The following ING2 variants were observed in gnomAD, a reference collection of about 807,000 sequenced individuals.
ING2 encodes inhibitor of growth protein 2.
In ING2, 7 loss-of-function variants were observed where a neutral mutation model predicts 30.6. The ratio of observed to expected loss-of-function variants is 0.23; its 90% CI spans 0.13 to 0.43. The LOEUF (loss-of-function observed/expected upper bound fraction) is 0.43, where lower values mean the gene tolerates loss of function less well. Among genes scored for constraint, ING2 ranks in the 20% least tolerant of loss-of-function variants. ING2 has a pLI of 1.00. For missense variants in ING2, 239 were observed against 334.9 expected (o/e 0.71, Z 2.24); for synonymous variants, 136 against 121.7 (o/e 1.12, Z -0.78).
chr4:183,511,033 A>G lies in ING2; in HGVS notation c.*81A>G. On this transcript the variant is annotated 3_prime_UTR_variant, in exon 2 of 2. Transcript: ENST00000302327. ...TCAGAAAATGTTTTAGGGTAAATGC[A>G]TAAGACTATGCAATAATTTTTAATC... 1.9e-6 allele frequency: 2 copies of G among 1,072,622 alleles called. No individual in the cohort carries two copies. Among genetic ancestry groups the G allele is most frequent in the Non-Finnish European group, 2.6e-6 (2 of 755,350 alleles). The allele number at this position is 1,072,622 out of a possible 1,614,324, so 66.4% of individuals were successfully genotyped here. A position where few individuals can be genotyped will look rare whatever the true frequency, so the allele number is the denominator to read the frequency against.
intron 1 of ING2, among the ~76,000 whole-genome samples, chr4:183,507,000 G>A (rs74439818): frequency 0.14 from 21,020 of 152,102 alleles, 1,950 homozygotes; most frequent in African/African-American, 0.25. Context: ...CTACAGATAT[G>A]GAGCACAAAC....
chr4:183,508,443 T>G (rs1009654375), intron 1 of ING2, among the ~76,000 whole-genome samples: 3 of 152,188 alleles, frequency 2.0e-5, no homozygotes, highest in Non-Finnish European at 4.4e-5. Flanking sequence ...AGAAATCTGC[T>G]TAGATGCCGA....
Position 183,510,309 on chromosome 4 carries a change from A to G in ING2, c.200A>G (p.Tyr67Cys), listed in dbSNP as rs752577306. ...QETLKEIDDV[Y>C]EKYKKEDDLN... ...ACGTTAAAGGAAATTGATGATGTCT[A>G]CGAAAAATATAAGAAAGAAGATGAT... Residue 67 changes from tyrosine to cysteine, a missense_variant, in exon 2 of 2, where the codon TAC becomes TGC. Tyr to Cys is a radical substitution (Grantham distance 194). This residue lies in a region of ING2 where 80 missense variants were observed against 102.4 expected (regional missense o/e 0.78). Transcript: ENST00000302327. 3.1e-5 allele frequency: 49 copies of G among 1,589,744 alleles called. No individual in the cohort carries two copies. Among genetic ancestry groups the G allele is most frequent in the Admixed American group, 1.9e-5 (1 of 53,288 alleles).
At chr4:183,506,591 A>G (rs983724535) in intron 1 of ING2, among the ~76,000 whole-genome samples, 4 of 152,232 alleles carry the variant, frequency 2.6e-5, no homozygotes, top group African/African-American at 4.8e-5. Context: ...TGAACATAGT[A>G]TGGAAACAGC....
At chr4:183,508,660 A>G (rs939919722) in intron 1 of ING2, among the ~76,000 whole-genome samples, 6 of 152,308 alleles carry the variant, frequency 3.9e-5, no homozygotes, top group East Asian at 1.9e-4. Flanking sequence ...GACAGCCCCA[A>G]TGTATATATC....
chr4:183,506,063 T>C, intron 1 of ING2: 1 of 1,125,316 alleles, frequency 8.9e-7, no homozygotes, highest in Non-Finnish European at 1.1e-6. Flanking sequence ...GGGCGGGGCC[T>C]GCGGGCTTGA....
chr4:183,508,326 C>T (rs973100952), intron 1 of ING2, among the ~76,000 whole-genome samples: 6 of 151,652 alleles, frequency 4.0e-5, no homozygotes, highest in Non-Finnish European at 8.8e-5. Flanking sequence ...TTATTAGGTA[C>T]AAAATATTTG....
chr4:183,505,651 G>A (rs1311044617), intron 1 of ING2, among the ~76,000 whole-genome samples: 1 of 152,168 alleles, frequency 6.6e-6, no homozygotes, highest in African/African-American at 2.4e-5. Flanking sequence ...TAAGCAGCAA[G>A]CATTTGTTCA....
intron 1 of ING2, among the ~76,000 whole-genome samples, chr4:183,509,227 C>G (rs1734755425): frequency 6.6e-6 from 1 of 152,202 alleles, no homozygotes; most frequent in South Asian, 2.1e-4. Context: ...GTCATTGTCA[C>G]AAGTCATTGA....
intron 1 of ING2, among the ~76,000 whole-genome samples, 198 bp from the exon 2 acceptor site, chr4:183,510,084 A>G (rs1450504814): frequency 6.6e-6 from 1 of 152,064 alleles, no homozygotes; most frequent in Non-Finnish European, 1.5e-5. Context: ...CTTTCTTTTC[A>G]TTACTTTATT....
chr4:183,506,494 C>T (rs1301477682), intron 1 of ING2, among the ~76,000 whole-genome samples: 1 of 152,196 alleles, frequency 6.6e-6, no homozygotes, highest in African/African-American at 2.4e-5. Context: ...TACAGTGTTA[C>T]CACCTACTAT....
intron 1 of ING2, chr4:183,506,390 C>G: frequency 1.9e-6 from 2 of 1,050,616 alleles, no homozygotes; most frequent in Non-Finnish European, 2.6e-6. Flanking sequence ...AACCGCCTGG[C>G]GTCCCCGAGC....
At chr4:183,506,052 G>A in intron 1 of ING2, 1 of 1,115,110 alleles carries the variant, frequency 9.0e-7, no homozygotes, top group Non-Finnish European at 1.1e-6. Flanking sequence ...CCCCGCGCCG[G>A]GGGCGGGGCC....
chr4:183,506,233 T>C (rs1336596497), intron 1 of ING2: 3 of 1,304,192 alleles, frequency 2.3e-6, no homozygotes, highest in South Asian at 2.5e-5. Context: ...TGCAGCATGT[T>C]TTGCGGTGAT....
Position 183,512,205 on chromosome 4 carries a change from T to C in ING2, c.*1253T>C, listed in dbSNP as rs997086752. On this transcript the variant is annotated 3_prime_UTR_variant, in exon 2 of 2. Coordinates refer to ENST00000302327, the MANE Select transcript of ING2 (RefSeq NM_001564.4). The stretch of plus-strand genomic sequence containing the variant: ...TCCTAATCTGATGATCTTGATTCTT[T>C]TTGATTAACATGAAAAATCCTGTCT... Among the ~76,000 whole-genome samples the C allele has an allele frequency of 3.3e-5, 5 of 152,154 alleles. No individual in the cohort carries two copies. Among genetic ancestry groups the C allele is most frequent in the Admixed American group, 1.3e-4 (2 of 15,268 alleles).
rs1734811862 is a variant in ING2 at position 183,511,060 on chromosome 4, T to TTAGTATTAA, written c.*110_*118dup. The TTAGTATTAA allele has an allele frequency of 2.3e-6, 2 of 856,128 alleles. No individual in the cohort carries two copies. 53.0% of individuals were successfully genotyped at this position (856,128 alleles called of 1,614,324 possible). ...AAGACTATGCAATAATTTTTAATCA[T>TTAGTATTAA]TAGTATTAATGGTGTATTAAAAGTT... On this transcript the variant is annotated 3_prime_UTR_variant, in exon 2 of 2. Transcript: ENST00000302327.
intron 1 of ING2, among the ~76,000 whole-genome samples, chr4:183,509,772 C>T (rs1393361682): frequency 8.2e-6 from 1 of 121,976 alleles, no homozygotes; most frequent in Non-Finnish European, 1.6e-5. Flanking sequence ...TTTGCTCTGT[C>T]GCCCAGACCG....
At chr4:183,505,503 G>C in intron 1 of ING2, 136 bp downstream of exon 1, 1 of 913,190 alleles carries the variant, frequency 1.1e-6, no homozygotes. Context: ...GAGGACTGGA[G>C]ACCGGGTTGG....
intron 1 of ING2, among the ~76,000 whole-genome samples, chr4:183,507,672 T>G (rs916801719): frequency 9.2e-5 from 14 of 152,346 alleles, no homozygotes; most frequent in African/African-American, 2.4e-4. Flanking sequence ...TGAGCTCAAC[T>G]TTCACAGTTT....
Sources: allele counts gnomAD v4.1 joint callset (sites outside exome capture counted in the v4.1 genomes callset), GRCh38; gene constraint gnomAD v4.1.1; regional missense constraint gnomAD v4.1.1; transcripts MANE v1.5; gene names NCBI Gene and HGNC (gene_info 2026-07-23, HGNC 2026-07-21).